Variants in ELAPOR2 observed in about 807,000 individuals in gnomAD.
ELAPOR2 encodes the protein endosome/lysosome-associated apoptosis and autophagy regulator family member 2.
Under a neutral mutation model 120.7 loss-of-function variants are expected in ELAPOR2, and 89 were observed. The ratio of observed to expected loss-of-function variants is 0.74; its 90% CI spans 0.62 to 0.88. ELAPOR2 has a LOEUF of 0.88. Among genes scored for constraint, ELAPOR2 ranks in the 40% least tolerant of loss-of-function variants. ELAPOR2 has a pLI of 0.00. For missense variants in ELAPOR2, 1,134 were observed against 1,251.6 expected, an observed-to-expected ratio of 0.91 and a Z score of 1.42; for synonymous variants, 444 against 444.9, an observed-to-expected ratio of 1.00 and a Z score of 0.03.
At chr7:86,978,525 G>C (rs1452328200) in intron 1 of ELAPOR2, among the ~76,000 whole-genome samples, 3 of 152,002 alleles carry the variant, frequency 2.0e-5, no homozygotes, top group Non-Finnish European at 4.4e-5. Context: ...TTCTTTTGTG[G>C]GAAAAATAAA....
At chr7:87,032,056 A>T (rs538334048) in intron 1 of ELAPOR2, among the ~76,000 whole-genome samples, 3 of 152,282 alleles carry the variant, frequency 2.0e-5, no homozygotes, top group Admixed American at 2.0e-4. Flanking sequence ...GATTACAAAG[A>T]GAAACAGGAA....
At position 87,004,200 on chromosome 7, in the gene ELAPOR2, T is replaced by C. The variant is rs530957824; in HGVS notation, c.190-39176A>G. ...GTTTCTCACAGATAAATAATGGATA[T>C]GACAACAGATGCCTCTCTTTCCTGG... On this transcript the variant is annotated intron_variant, in intron 1 of 21. Transcript: ENST00000450689. Among the ~76,000 whole-genome samples, 5 of 152,274 alleles carry C rather than the reference T, an allele frequency of 3.3e-5. 1 individual carries two copies. The highest frequency in any genetic ancestry group is 9.6e-5 in the African/African-American group (4 of 41,564).
intron 2 of ELAPOR2, among the ~76,000 whole-genome samples, chr7:86,960,829 G>C (rs909192169): frequency 1.4e-4 from 22 of 151,890 alleles, no homozygotes; most frequent in Admixed American, 3.9e-4. Flanking sequence ...GTGTAAGTCT[G>C]CTTATTTCTT....
chr7:87,048,236 T>C (rs1316430090), intron 1 of ELAPOR2, among the ~76,000 whole-genome samples: 2 of 148,782 alleles, frequency 1.3e-5, no homozygotes, highest in Admixed American at 6.7e-5. Flanking sequence ...GAGTGAGACT[T>C]CATCTAGAAA....
chr7:87,039,647 G>A (rs1441935063), intron 1 of ELAPOR2, among the ~76,000 whole-genome samples: 4 of 152,064 alleles, frequency 2.6e-5, no homozygotes, highest in Admixed American at 6.5e-5. Context: ...CAGAATGAAG[G>A]ATAAAAGCTA....
intron 12 of ELAPOR2, 101 bp downstream of exon 12, chr7:86,918,341 A>T: frequency 2.0e-6 from 1 of 489,084 alleles, no homozygotes; most frequent in Non-Finnish European, 3.6e-6. Flanking sequence ...AAAAAAAAAA[A>T]AAAAAAGGAA....
At chr7:87,041,678 C>T (rs1474220612) in intron 1 of ELAPOR2, among the ~76,000 whole-genome samples, 2 of 151,844 alleles carry the variant, frequency 1.3e-5, no homozygotes, top group South Asian at 4.1e-4. Flanking sequence ...TAAAGACCAT[C>T]GAGACTAGGA....
At chr7:86,913,294 T>C in intron 13 of ELAPOR2, 90 bp from the exon 14 acceptor site, 1 of 1,247,310 alleles carries the variant, frequency 8.0e-7, no homozygotes, top group Non-Finnish European at 1.1e-6. Context: ...TCAAAATAAC[T>C]AAATAGAGTG....
intron 18 of ELAPOR2, among the ~76,000 whole-genome samples, chr7:86,903,331 G>T (rs1788807225): frequency 6.6e-6 from 1 of 152,086 alleles, no homozygotes; most frequent in African/African-American, 2.4e-5. Flanking sequence ...GCATCTATAT[G>T]CCTTTTTACT....
At position 86,947,805 on chromosome 7, in the gene ELAPOR2, G is replaced by A. The variant is rs776027300; in HGVS notation, c.428C>T (p.Pro143Leu). The A allele has an allele frequency of 1.9e-6, 3 of 1,551,780 alleles. No homozygotes were observed. Among genetic ancestry groups the A allele is most frequent in the South Asian group, 1.2e-5 (1 of 84,060 alleles). ...GIKFDEWDEL[P>L]AGFSNIATFM... Reference sequence around the variant, plus strand: ...TGTTGCGATGTTAGAAAATCCTGCCGGCAATTCATCCCATTCATCAAATTT... The same window carrying A: ...TGTTGCGATGTTAGAAAATCCTGCCAGCAATTCATCCCATTCATCAAATTT... Residue 143 changes from proline to leucine, a missense_variant, in exon 3 of 22, where the codon CCG becomes CTG. Transcript: ENST00000450689.
chr7:86,912,390 A>G (rs1462005298), intron 14 of ELAPOR2, 145 bp from the exon 15 acceptor site: 42 of 456,900 alleles, frequency 9.2e-5, no homozygotes, highest in Non-Finnish European at 7.7e-6. Flanking sequence ...AATATAAAGA[A>G]TTTCTAAACT....
At chr7:86,897,433 T>C (rs1584318874) in intron 19 of ELAPOR2, 73 bp downstream of exon 19, 1 of 1,531,352 alleles carries the variant, frequency 6.5e-7, no homozygotes, top group Non-Finnish European at 8.8e-7. Flanking sequence ...CTTCTGGACC[T>C]GAGTTTCTAT....
intron 1 of ELAPOR2, among the ~76,000 whole-genome samples, chr7:87,050,605 T>A (rs1795072210): frequency 6.6e-6 from 1 of 152,220 alleles, no homozygotes; most frequent in Non-Finnish European, 1.5e-5. Context: ...CTCAGGTACT[T>A]TTTTTACAGC....
At chr7:87,004,779 G>T (rs545998079) in intron 1 of ELAPOR2, among the ~76,000 whole-genome samples, 1 of 152,212 alleles carries the variant, frequency 6.6e-6, no homozygotes, top group East Asian at 1.9e-4. Flanking sequence ...GGAGAAGGAG[G>T]CCCTAAACTG....
rs1005528408 is a variant in ELAPOR2 at position 87,043,779 on chromosome 7, G to C, written c.189+15546C>G. The stretch of plus-strand genomic sequence containing the variant: ...GGCCAGGGCAATCAGGCAGGAGAAG[G>C]AAATAAAGGGTATTCAATTAGGAAA... On this transcript the variant is annotated intron_variant, in intron 1 of 21. Transcript: ENST00000450689. Among the ~76,000 whole-genome samples the C allele has an allele frequency of 1.5e-4, 22 of 151,584 alleles. 1 individual carries two copies. Among genetic ancestry groups the C allele is most frequent in the African/African-American group, 5.1e-4 (21 of 41,074 alleles).
chr7:87,008,783 G>A (rs1333398907), intron 1 of ELAPOR2, among the ~76,000 whole-genome samples: 3 of 152,206 alleles, frequency 2.0e-5, no homozygotes, highest in African/African-American at 4.8e-5. Flanking sequence ...GACAGAGAGA[G>A]AGAATGAGAA....
At position 86,878,463 on chromosome 7, in the gene ELAPOR2, T is replaced by C. The variant is rs1799252282; in HGVS notation, c.*2008A>G. On this transcript the variant is annotated 3_prime_UTR_variant, in exon 22 of 22. Transcript: ENST00000450689. ...ATTAAAATTTAAGGCATTTTTGACA[T>C]GTCAGAGATTTTAGTCCAGTGACAG... is the stretch of plus-strand genomic sequence containing the variant. 1 of 152,244 alleles carries C rather than the reference T, an allele frequency of 6.6e-6. No individual in the cohort carries two copies. The highest frequency in any genetic ancestry group is 1.5e-5 in the Non-Finnish European group (1 of 68,044). 9.4% of individuals were successfully genotyped at this position (152,244 alleles called of 1,614,324 possible).
rs185737704 is a variant in ELAPOR2 at position 86,940,122 on chromosome 7, A to G, written c.742-7T>C. On this transcript the variant is annotated splice_region_variant and splice_polypyrimidine_tract_variant and intron_variant, in intron 5 of 21. Coordinates refer to ENST00000450689, the MANE Select transcript of ELAPOR2 (RefSeq NM_001142749.3). ...TGCCTGATTTCAGCATTACCTATAA[A>G]GAGAAACATAAAGGCACTTAGGGCA... The G allele has an allele frequency of 5.4e-3, 8,571 of 1,593,126 alleles. 51 individuals carry two copies. The highest frequency in any genetic ancestry group is 5.8e-3 in the Non-Finnish European group (6,747 of 1,162,770).
At chr7:86,971,738 G>A (rs781615819) in intron 1 of ELAPOR2, among the ~76,000 whole-genome samples, 21 of 152,094 alleles carry the variant, frequency 1.4e-4, no homozygotes, top group Non-Finnish European at 2.5e-4. Flanking sequence ...AAAAGCATAG[G>A]TGAGTTCTAA....
Sources: allele counts gnomAD v4.1 joint callset (sites outside exome capture counted in the v4.1 genomes callset), GRCh38; gene constraint gnomAD v4.1.1; transcripts MANE v1.5; gene names NCBI Gene and HGNC (gene_info 2026-07-23, HGNC 2026-07-21).